The following NEDD4L variants were observed in gnomAD, a reference collection of about 807,000 sequenced individuals.
NEDD4L encodes NEDD4 like E3 ubiquitin protein ligase.
In NEDD4L, 54 loss-of-function variants were observed where a neutral mutation model predicts 148.9. That is an observed-to-expected ratio of 0.36 (90% CI 0.29 to 0.45). The LOEUF is 0.45. Among genes scored for constraint, NEDD4L ranks in the 20% least tolerant of loss-of-function variants. The pLI, the probability that NEDD4L is intolerant of heterozygous loss-of-function variation, is 1.00. For missense variants in NEDD4L, 856 were observed against 1,233.8 expected, an observed-to-expected ratio of 0.69 and a Z score of 4.59; for synonymous variants, 433 against 440.7, an observed-to-expected ratio of 0.98 and a Z score of 0.22.
intron 2 of NEDD4L, among the ~76,000 whole-genome samples, chr18:58,233,217 C>CTAA (rs926186703): frequency 1.1e-4 from 17 of 152,102 alleles, no homozygotes; most frequent in Middle Eastern, 3.4e-3. Context: ...AATAATCAAA[C>CTAA]TAATAATAAT....
chr18:58,204,537 C>T (rs1311909289), intron 2 of NEDD4L, among the ~76,000 whole-genome samples: 2 of 152,118 alleles, frequency 1.3e-5, no homozygotes, highest in Non-Finnish European at 2.9e-5. Context: ...TAATAGAAAC[C>T]TTGAAATTTC....
At chr18:58,158,978 T>C (rs373461696) in intron 1 of NEDD4L, among the ~76,000 whole-genome samples, 1 of 152,168 alleles carries the variant, frequency 6.6e-6, no homozygotes, top group South Asian at 2.1e-4. Flanking sequence ...GCATAATGCA[T>C]TGAACATAGT....
chr18:58,113,824 G>T (rs1223407642), intron 1 of NEDD4L, among the ~76,000 whole-genome samples: 1 of 152,168 alleles, frequency 6.6e-6, no homozygotes, highest in South Asian at 2.1e-4. Context: ...GGGATTGGGG[G>T]TGTGGGGTTG....
chr18:58,187,685 T>C (rs1025444785), intron 2 of NEDD4L, among the ~76,000 whole-genome samples: 1 of 152,188 alleles, frequency 6.6e-6, no homozygotes, highest in African/African-American at 2.4e-5. Flanking sequence ...ACTTGAAATA[T>C]AAAATTAGTA....
intron 1 of NEDD4L, among the ~76,000 whole-genome samples, chr18:58,081,438 A>G (rs979361751): frequency 4.6e-5 from 7 of 151,746 alleles, no homozygotes; most frequent in Non-Finnish European, 8.8e-5. Flanking sequence ...GAAGGTCTCG[A>G]TCTCCTGACC....
At chr18:58,386,730 G>A (rs1568934758) in intron 26 of NEDD4L, among the ~76,000 whole-genome samples, 2 of 152,188 alleles carry the variant, frequency 1.3e-5, no homozygotes, top group African/African-American at 2.4e-5. Flanking sequence ...CTCTCGTGGG[G>A]TGATGCTTTC....
At chr18:58,058,177 G>C (rs888754539) in intron 1 of NEDD4L, among the ~76,000 whole-genome samples, 2 of 152,090 alleles carry the variant, frequency 1.3e-5, no homozygotes, top group Non-Finnish European at 2.9e-5. Flanking sequence ...GTGGTGGCAC[G>C]CACCTGTAAT....
rs578249031 is a variant in NEDD4L at position 58,284,090 on chromosome 18, G to A, written c.298-31892G>A. ...GAAGGAACCACCCTGCCCATATCTT[G>A]ATCTTGGACTTCCAGCCTCCAGAAC... On this transcript the variant is annotated intron_variant, in intron 5 of 30. Coordinates refer to ENST00000400345, the MANE Select transcript of NEDD4L (RefSeq NM_001144967.3). Among the ~76,000 whole-genome samples, 12 of 152,294 alleles carry A rather than the reference G, an allele frequency of 7.9e-5. 1 individual carries two copies. In the South Asian group the frequency reaches 2.5e-3, roughly 32 times the overall value.
rs191992927 is a variant in NEDD4L at position 58,232,407 on chromosome 18, G to A, written c.123-13020G>A. Among the ~76,000 whole-genome samples, 178 of 152,350 alleles carry A rather than the reference G, an allele frequency of 1.2e-3. 1 individual carries two copies. Among genetic ancestry groups the A allele is most frequent in the African/African-American group, 3.8e-3 (159 of 41,586 alleles). ...ACACAAGCAAAAATCTCCAGTGTGTGTCCAGCTTTAGAGGTGTAGTAATGG... is the reference window on the plus strand; with the variant it reads ...ACACAAGCAAAAATCTCCAGTGTGTATCCAGCTTTAGAGGTGTAGTAATGG... On this transcript the variant is annotated intron_variant, in intron 2 of 30. Coordinates refer to ENST00000400345, the MANE Select transcript of NEDD4L (RefSeq NM_001144967.3).
intron 1 of NEDD4L, among the ~76,000 whole-genome samples, chr18:58,103,840 A>G (rs1196800304): frequency 6.6e-6 from 1 of 152,260 alleles, no homozygotes; most frequent in Non-Finnish European, 1.5e-5. Context: ...GGTTTACCAC[A>G]TAAACAAGGA....
At chr18:58,289,344 A>G (rs890099121) in intron 5 of NEDD4L, among the ~76,000 whole-genome samples, 4 of 152,136 alleles carry the variant, frequency 2.6e-5, no homozygotes, top group African/African-American at 9.7e-5. Flanking sequence ...AGGATTGCTG[A>G]TACCCCTGCA....
At chr18:58,334,055 T>C in intron 12 of NEDD4L, 163 bp downstream of exon 12, 1 of 496,220 alleles carries the variant, frequency 2.0e-6, no homozygotes, top group Non-Finnish European at 3.6e-6. Flanking sequence ...GGATTTCCAA[T>C]ACAGAGAATT....
chr18:58,072,872 GCACA>G (rs766485355), intron 1 of NEDD4L, among the ~76,000 whole-genome samples: 8,239 of 131,516 alleles, frequency 0.063, 294 homozygotes, highest in Non-Finnish European at 0.079. Context: ...GCGCGCGCGC[GCACA>G]CACACACACA....
chr18:58,378,708 A>G (rs2047914702), intron 24 of NEDD4L, among the ~76,000 whole-genome samples: 1 of 152,212 alleles, frequency 6.6e-6, no homozygotes, highest in Admixed American at 6.5e-5. Flanking sequence ...GTGAGCACCC[A>G]TCAGTGGGCG....
Position 58,176,316 on chromosome 18 carries a change from C to T in NEDD4L, c.122+10455C>T, listed in dbSNP as rs576714742. On this transcript the variant is annotated intron_variant, in intron 2 of 30. Transcript: ENST00000400345. ...TCCTCCTTCCTTCCTTGCTTCATTT[C>T]CCCCCTCATCTCTTTCTTCCTCACC... Among the ~76,000 whole-genome samples the T allele has an allele frequency of 1.6e-3, 244 of 152,038 alleles. 1 individual carries two copies. Among genetic ancestry groups the T allele is most frequent in the Non-Finnish European group, 2.6e-3 (178 of 67,972 alleles).
At chr18:58,229,105 T>C (rs1030618474) in intron 2 of NEDD4L, among the ~76,000 whole-genome samples, 2 of 152,200 alleles carry the variant, frequency 1.3e-5, no homozygotes, top group Non-Finnish European at 2.9e-5. Context: ...GTGATTTTTT[T>C]CCCTTTTCCT....
rs1261125057 is a variant in NEDD4L, at chr18:58,348,335, T to C, written c.1576-1202T>C. ...TCTTTTTCTTTTTTTTCTTTTTTTT[T>C]TTTTTTTTTTTTTTGAGACGGAGTC... On this transcript the variant is annotated intron_variant, in intron 16 of 30. Transcript: ENST00000400345. 1.2e-3 allele frequency among the ~76,000 whole-genome samples: 160 copies of C among 128,128 alleles called. 1 individual carries two copies. Among genetic ancestry groups the C allele is most frequent in the African/African-American group, 5.2e-3 (149 of 28,598 alleles). 84.1% of individuals were successfully genotyped at this position (128,128 alleles called of 152,430 possible).
At chr18:58,347,421 T>G (rs2043243656) in intron 16 of NEDD4L, among the ~76,000 whole-genome samples, 1 of 152,146 alleles carries the variant, frequency 6.6e-6, no homozygotes, top group South Asian at 2.1e-4. Context: ...CCGCTGGTTG[T>G]GGCGTTACCT....
chr18:58,322,422 C>T lies in NEDD4L; in HGVS notation c.349-3C>T, dbSNP rs767138884. On this transcript the variant is annotated splice_polypyrimidine_tract_variant and splice_region_variant and intron_variant, in intron 6 of 30. Transcript: ENST00000400345. ...AATTTAATTTACTGTTTTTTCCCCA[C>T]AGACAGAAGATCCAACCATGGAGCG... The T allele has an allele frequency of 8.7e-6, 14 of 1,601,706 alleles. No individual in the cohort carries two copies. The highest frequency in any genetic ancestry group is 1.2e-5 in the Non-Finnish European group (14 of 1,169,568).
Sources: gnomAD v4.1 joint callset for allele counts (sites outside exome capture counted in the v4.1 genomes callset) on GRCh38, gnomAD v4.1.1 for gene constraint, MANE v1.5 for transcripts, NCBI Gene and HGNC (gene_info 2026-07-23, HGNC 2026-07-21) for gene names.